Variants in RREB1 observed in about 807,000 individuals in gnomAD.
RREB1 encodes ras-responsive element-binding protein 1.
In RREB1, 27 loss-of-function variants were observed where a neutral mutation model predicts 117.8. The observed-to-expected ratio is 0.23, with a 90% CI of 0.17 to 0.32. The LOEUF is 0.32. Ranked by LOEUF, RREB1 falls within the 10% of genes least tolerant of loss-of-function variation. The pLI is 1.00. For missense variants in RREB1, 2,577 were observed against 2,378.2 expected, an observed-to-expected ratio of 1.08 and a Z score of -1.74; for synonymous variants, 1,298 against 1,026.7, an observed-to-expected ratio of 1.26 and a Z score of -5.05.
chr6:7,141,387 C>G (rs996803210), intron 1 of RREB1, among the ~76,000 whole-genome samples: 7 of 152,204 alleles, frequency 4.6e-5, no homozygotes, highest in African/African-American at 1.7e-4. Context: ...TTCAGAGATG[C>G]CTTTAGCAAC....
chr6:7,153,279 C>T (rs565286884), intron 1 of RREB1, among the ~76,000 whole-genome samples: 1 of 151,562 alleles, frequency 6.6e-6, no homozygotes, highest in Non-Finnish European at 1.5e-5. Context: ...AATTCTGATG[C>T]CCTTAAAGAG....
At chr6:7,221,362 C>T (rs918545093) in intron 8 of RREB1, among the ~76,000 whole-genome samples, 4 of 151,888 alleles carry the variant, frequency 2.6e-5, no homozygotes, top group Non-Finnish European at 5.9e-5. Context: ...TTAGTAGAGA[C>T]GGGGTTTCAC....
chr6:7,245,949 C>T (rs1342421184), intron 11 of RREB1, among the ~76,000 whole-genome samples: 1 of 152,208 alleles, frequency 6.6e-6, no homozygotes, highest in Non-Finnish European at 1.5e-5. Flanking sequence ...TGAAACTCAT[C>T]AAGACCATGC....
At chr6:7,173,471 C>T (rs1421880847) in intron 1 of RREB1, among the ~76,000 whole-genome samples, 2 of 150,046 alleles carry the variant, frequency 1.3e-5, no homozygotes, top group African/African-American at 4.9e-5. Flanking sequence ...CCAGCCTGGG[C>T]GACAGAATGA....
rs1156946520 is a variant in RREB1, at chr6:7,230,234, C to T, written c.2135C>T (p.Ala712Val). ...TGCCACTACCCCTTCACTGTCAAAG[C>T]CAACTGCGAGCGGCACCTGCGCAAG... ...KICHYPFTVKANCERHLRKKH... is the reference protein window; with the variant it reads ...KICHYPFTVKVNCERHLRKKH... The change falls in exon 10 of 13, where the codon GCC (alanine) becomes GTC (valine). Residue 712 changes from alanine to valine, a missense_variant. Coordinates refer to ENST00000379938, the MANE Select transcript of RREB1 (RefSeq NM_001003699.4). 6.2e-7 allele frequency: 1 copy of T among 1,603,680 alleles called. No individual in the cohort carries two copies. The highest frequency in any genetic ancestry group is 8.5e-7 in the Non-Finnish European group (1 of 1,179,882).
At chr6:7,207,756 C>G (rs1242887105) in intron 6 of RREB1, among the ~76,000 whole-genome samples, 1 of 152,150 alleles carries the variant, frequency 6.6e-6, no homozygotes, top group African/African-American at 2.4e-5. Flanking sequence ...GGGGGCTGTT[C>G]ACTTTTGAAA....
In RREB1 at chr6:7,246,484, G is replaced by C. The variant is rs1453058768; in HGVS notation, c.4034G>C (p.Arg1345Pro). 11 of 1,540,884 alleles carry C rather than the reference G, an allele frequency of 7.1e-6. No individual in the cohort carries two copies. The highest frequency in any genetic ancestry group is 1.7e-4 in the Middle Eastern group (1 of 5,962). ...GGCGAAGTGCTAGACCTCACCTCAC[G>C]GGACAGAGAGCAGCCGTCGGAGGGC... ...AAGEVLDLTS[R>P]DREQPSEGAT... The change falls in exon 12 of 13, where the codon CGG (arginine) becomes CCG (proline). Residue 1345 changes from arginine to proline, a missense_variant. Physicochemically the swap from Arg to Pro is moderately radical, Grantham distance 103. Transcript: ENST00000379938.
chr6:7,191,420 G>A (rs1355264628), intron 6 of RREB1, among the ~76,000 whole-genome samples: 6 of 152,160 alleles, frequency 3.9e-5, no homozygotes, highest in South Asian at 4.1e-4. Context: ...GAACAAAGCT[G>A]CTGTTGACAT....
intron 9 of RREB1, among the ~76,000 whole-genome samples, chr6:7,227,740 A>G (rs1767672086): frequency 6.6e-6 from 1 of 152,172 alleles, no homozygotes; most frequent in Admixed American, 6.5e-5. Context: ...AGAGCCATAT[A>G]TATTCACTGC....
intron 6 of RREB1, among the ~76,000 whole-genome samples, chr6:7,203,489 A>G (rs190362004): frequency 2.6e-5 from 4 of 152,336 alleles, no homozygotes; most frequent in East Asian, 1.9e-4. Context: ...CTCTCTCCAA[A>G]TACTGCCAAG....
In RREB1 at chr6:7,231,821, A is replaced by G. The variant is rs530675074; in HGVS notation, c.3722A>G (p.Asn1241Ser). The G allele has an allele frequency of 6.2e-6, 10 of 1,613,678 alleles. No homozygotes were observed. The South Asian group carries it at 6.6e-5, about 11-fold the overall frequency. ...AGGGCCAAGCGGAACTCGTACACCAACTGCCTGCAGAAGATCACCTGTCCC... is the reference window on the plus strand; with the variant it reads ...AGGGCCAAGCGGAACTCGTACACCAGCTGCCTGCAGAAGATCACCTGTCCC... ...LLRAKRNSYT[N>S]CLQKITCPHC... Residue 1241 changes from asparagine to serine, a missense_variant, in exon 10 of 13, where the codon AAC becomes AGC. Transcript: ENST00000379938.
At chr6:7,196,063 A>C (rs1765650480) in intron 6 of RREB1, among the ~76,000 whole-genome samples, 1 of 150,638 alleles carries the variant, frequency 6.6e-6, no homozygotes, top group Non-Finnish European at 1.5e-5. Context: ...CCTCCTGCTC[A>C]CCCCCTGCTC....
chr6:7,177,542 T>C (rs903128579), intron 2 of RREB1, among the ~76,000 whole-genome samples: 1 of 152,024 alleles, frequency 6.6e-6, no homozygotes, highest in South Asian at 2.1e-4. Flanking sequence ...ACCAGTGATA[T>C]TTATTTTTAA....
At chr6:7,190,225 T>C (rs939412698) in intron 6 of RREB1, among the ~76,000 whole-genome samples, 1 of 152,216 alleles carries the variant, frequency 6.6e-6, no homozygotes, top group African/African-American at 2.4e-5. Flanking sequence ...AAATTTTCTA[T>C]CCTCAAGCAA....
At chr6:7,175,471 T>C (rs569547037) in intron 1 of RREB1, among the ~76,000 whole-genome samples, 1 of 152,276 alleles carries the variant, frequency 6.6e-6, no homozygotes, top group Admixed American at 6.5e-5. Context: ...GTGACAGCTG[T>C]GTGGCATGGA....
At chr6:7,203,502 A>AG (rs1485341797) in intron 6 of RREB1, among the ~76,000 whole-genome samples, 2 of 152,184 alleles carry the variant, frequency 1.3e-5, no homozygotes, top group African/African-American at 4.8e-5. Context: ...CTGCCAAGGA[A>AG]CCTGAGGTAG....
At chr6:7,220,263 G>A (rs961947526) in intron 8 of RREB1, among the ~76,000 whole-genome samples, 2 of 152,200 alleles carry the variant, frequency 1.3e-5, no homozygotes, top group African/African-American at 4.8e-5. Context: ...AGGCTCTTGT[G>A]CACTGTCTTG....
chr6:7,238,018 A>AG (rs907319533), intron 10 of RREB1, among the ~76,000 whole-genome samples: 1 of 151,836 alleles, frequency 6.6e-6, no homozygotes, highest in African/African-American at 2.4e-5. Context: ...ACCATGTGAC[A>AG]GGGGGGAGCG....
In RREB1 at chr6:7,189,226, G is replaced by C; in HGVS notation, c.329G>C (p.Ser110Thr). ...SICGKSLSSA[S>T]SLDRHMLVHS... ...TGCGGAAAGTCACTGAGCTCGGCCAGCTCCCTCGATCGCCACATGCTGGTG... is the reference window on the plus strand; with the variant it reads ...TGCGGAAAGTCACTGAGCTCGGCCACCTCCCTCGATCGCCACATGCTGGTG... The change falls in exon 6 of 13, where the codon AGC (serine) becomes ACC (threonine). Residue 110 changes from serine (S) to threonine (T), a missense_variant. Physicochemically the swap from Ser to Thr is moderately conservative, Grantham distance 58. Transcript: ENST00000379938. The C allele has an allele frequency of 6.2e-7, 1 of 1,613,310 alleles. No homozygotes were observed. The highest frequency in any genetic ancestry group is 8.5e-7 in the Non-Finnish European group (1 of 1,179,704).
Sources: gnomAD v4.1 joint callset for allele counts (sites outside exome capture counted in the v4.1 genomes callset) on GRCh38, gnomAD v4.1.1 for gene constraint, MANE v1.5 for transcripts, NCBI Gene and HGNC (gene_info 2026-07-23, HGNC 2026-07-21) for gene names.